CTPS1: variants seen among roughly 807,000 people sequenced by gnomAD.
CTPS1 encodes CTP synthetase 1.
In CTPS1, 25 loss-of-function variants were observed where a neutral mutation model predicts 80.5. That is an observed-to-expected ratio of 0.31 (90% CI 0.23 to 0.43). The LOEUF (loss-of-function observed/expected upper bound fraction) is 0.43, where lower values mean the gene tolerates loss of function less well. Ranked by LOEUF, CTPS1 falls within the 20% of genes least tolerant of loss-of-function variation. The pLI is 1.00. For missense variants in CTPS1, 442 were observed against 725.7 expected (o/e 0.61, Z 4.49); for synonymous variants, 267 against 252.5 (o/e 1.06, Z -0.54).
At chr1:40,998,963 C>T (rs924649164) in intron 9 of CTPS1, among the ~76,000 whole-genome samples, 8 of 152,184 alleles carry the variant, frequency 5.3e-5, no homozygotes, top group African/African-American at 1.2e-4. Context: ...TTTATTTTAT[C>T]CACTTGGAGT....
chr1:40,983,530 T>C, intron 2 of CTPS1, 74 bp downstream of exon 2: 2 of 1,266,238 alleles, frequency 1.6e-6, no homozygotes, highest in Non-Finnish European at 2.2e-6. Flanking sequence ...ATGTGCACGG[T>C]TTGCATAACT....
At chr1:40,987,947 C>G (rs571544321) in intron 4 of CTPS1, among the ~76,000 whole-genome samples, 2 of 152,256 alleles carry the variant, frequency 1.3e-5, no homozygotes, top group East Asian at 3.9e-4. Flanking sequence ...GGGTCTCACT[C>G]TGTCACCCAG....
chr1:40,985,423 A>C (rs1249726114), intron 3 of CTPS1, among the ~76,000 whole-genome samples: 3 of 152,260 alleles, frequency 2.0e-5, no homozygotes, highest in East Asian at 1.9e-4. Context: ...CAGGCCGTTC[A>C]TCAGTGCCAT....
rs1228022387 is a variant in CTPS1, at chr1:41,007,238, C to A, written c.1297-211C>A. ...GGCTGCTGTGGTCCTGTCTGCAGAT[C>A]AGGAGGACAGGCTGAAGGACGGAGC... On this transcript the variant is annotated intron_variant, in intron 13 of 18. Coordinates refer to ENST00000650070, the MANE Select transcript of CTPS1 (RefSeq NM_001905.4). The surrounding 1 kb of genome is among the most constrained non-coding windows in gnomAD (Gnocchi z 4.4). 2.0e-5 allele frequency among the ~76,000 whole-genome samples: 3 copies of A among 152,176 alleles called. No homozygotes were observed. The highest frequency in any genetic ancestry group is 7.2e-5 in the African/African-American group (3 of 41,428).
chr1:40,983,517 ATTATG>A (rs1165385935), intron 2 of CTPS1, 61 bp downstream of exon 2: 5 of 1,391,318 alleles, frequency 3.6e-6, no homozygotes, highest in African/African-American at 2.9e-5. Flanking sequence ...GCACTTGGGA[ATTATG>A]TGCACGGTTT....
intron 1 of CTPS1, among the ~76,000 whole-genome samples, chr1:40,982,388 G>T (rs980469355): frequency 2.5e-4 from 36 of 143,020 alleles, no homozygotes; most frequent in African/African-American, 7.8e-4. Context: ...TTATAGAAGA[G>T]AACTACTTTT....
chr1:40,990,755 G>A (rs1642585258), intron 5 of CTPS1, among the ~76,000 whole-genome samples: 2 of 152,180 alleles, frequency 1.3e-5, no homozygotes, highest in African/African-American at 2.4e-5. Flanking sequence ...CATGGTTTGG[G>A]AACAGTATTT....
intron 2 of CTPS1, among the ~76,000 whole-genome samples, chr1:40,984,235 C>T (rs1447782841): frequency 6.6e-6 from 1 of 152,126 alleles, no homozygotes; most frequent in African/African-American, 2.4e-5. Flanking sequence ...TGTGTTTGAG[C>T]TTGTCTCCTA....
chr1:41,009,227 C>T (rs993062009), intron 16 of CTPS1, among the ~76,000 whole-genome samples: 5 of 152,194 alleles, frequency 3.3e-5, no homozygotes, highest in African/African-American at 1.2e-4. Context: ...GGACCCTGGA[C>T]AGGAGGCCTT....
chr1:40,991,611 G>A (rs918240530), intron 6 of CTPS1, among the ~76,000 whole-genome samples, 154 bp from the exon 7 acceptor site: 4 of 152,154 alleles, frequency 2.6e-5, no homozygotes, highest in Admixed American at 2.6e-4. Flanking sequence ...TTTGAAACGA[G>A]TCATAATATT....
chr1:40,984,444 T>C (rs1027176908), intron 2 of CTPS1, among the ~76,000 whole-genome samples: 13 of 152,268 alleles, frequency 8.5e-5, no homozygotes, highest in African/African-American at 3.1e-4. Flanking sequence ...AATATTGTTA[T>C]CATACTTTAA....
At position 41,000,341 on chromosome 1, in the gene CTPS1, C is replaced by T. The variant is rs551881756; in HGVS notation, c.1006-688C>T. Among the ~76,000 whole-genome samples the T allele has an allele frequency of 6.6e-4, 101 of 152,158 alleles. 1 individual carries two copies. The highest frequency in any genetic ancestry group is 2.4e-3 in the African/African-American group (101 of 41,516). Reference sequence around the variant, plus strand: ...CACTGCAACCTCTGCCTTCCAGGTTCAAGCAGTTCTCCTGCCTCAGCCTCT... The same window carrying T: ...CACTGCAACCTCTGCCTTCCAGGTTTAAGCAGTTCTCCTGCCTCAGCCTCT... On this transcript the variant is annotated intron_variant, in intron 9 of 18. Coordinates refer to ENST00000650070, the MANE Select transcript of CTPS1 (RefSeq NM_001905.4).
intron 7 of CTPS1, among the ~76,000 whole-genome samples, chr1:40,995,214 G>T (rs1642720225): frequency 6.6e-6 from 1 of 152,008 alleles, no homozygotes; most frequent in African/African-American, 2.4e-5. Flanking sequence ...TTTGGATCAT[G>T]AATTATTATT....
At chr1:40,997,088 T>A (rs1196870532) in intron 8 of CTPS1, 1 of 260,682 alleles carries the variant, frequency 3.8e-6, no homozygotes, top group African/African-American at 2.3e-5. Context: ...AGAACTCAGA[T>A]AATAGCTATT....
At chr1:40,985,829 T>C (rs951232031) in intron 3 of CTPS1, among the ~76,000 whole-genome samples, 1 of 152,164 alleles carries the variant, frequency 6.6e-6, no homozygotes, top group African/African-American at 2.4e-5. Context: ...AATTAACCTC[T>C]TCAAAATGTG....
intron 18 of CTPS1, 129 bp downstream of exon 18, chr1:41,010,383 A>G (rs1643142049): frequency 1.5e-6 from 1 of 654,022 alleles, no homozygotes; most frequent in Non-Finnish European, 2.7e-6. Flanking sequence ...GGTCTTGAAT[A>G]TAATCCAGAG....
chr1:41,009,966 T>A (rs772604139), intron 17 of CTPS1, among the ~76,000 whole-genome samples, 195 bp from the exon 18 acceptor site: 5 of 152,214 alleles, frequency 3.3e-5, no homozygotes, highest in Non-Finnish European at 7.3e-5. Flanking sequence ...GAAGTATAAA[T>A]GGAATGTATA....
chr1:40,991,585 G>A (rs1200998713), intron 6 of CTPS1, among the ~76,000 whole-genome samples, 180 bp from the exon 7 acceptor site: 1 of 152,086 alleles, frequency 6.6e-6, no homozygotes, highest in Non-Finnish European at 1.5e-5. Context: ...CCAGTTTGGC[G>A]TTTACGGATT....
intron 9 of CTPS1, 172 bp from the exon 10 acceptor site, chr1:41,000,857 T>A: frequency 2.8e-6 from 1 of 361,098 alleles, no homozygotes. Context: ...AAAAAATGTT[T>A]AAGTTATTAA....
Sources: allele counts gnomAD v4.1 joint callset (sites outside exome capture counted in the v4.1 genomes callset), GRCh38; gene constraint gnomAD v4.1.1; non-coding constraint Gnocchi (gnomAD v3.1); transcripts MANE v1.5; gene names NCBI Gene and HGNC (gene_info 2026-07-23, HGNC 2026-07-21).